Variants in MYO16 observed in about 807,000 individuals in gnomAD.
The protein encoded by MYO16 is unconventional myosin-XVI.
A neutral mutation model predicts 205.3 loss-of-function variants in MYO16; 94 were observed. That is an observed-to-expected ratio of 0.46 (90% CI 0.39 to 0.54). The LOEUF (loss-of-function observed/expected upper bound fraction) is 0.54. MYO16 is among the 20% of genes least tolerant of loss of function. MYO16 has a pLI of 0.00. For synonymous variants in MYO16, 988 were observed against 954.0 expected, an observed-to-expected ratio of 1.04 and a Z score of -0.66; for missense variants, 2,315 against 2,387.5, an observed-to-expected ratio of 0.97 and a Z score of 0.63.
intron 27 of MYO16, among the ~76,000 whole-genome samples, chr13:109,068,876 C>T (rs766441625): frequency 5.3e-5 from 8 of 152,142 alleles, no homozygotes; most frequent in Non-Finnish European, 1.2e-4. Context: ...CAGGTGAGAG[C>T]CACCGTGCCC....
At chr13:108,523,740 G>A in the MYO16 span, among the ~76,000 whole-genome samples, 703 of 152,296 alleles carry the variant, frequency 4.6e-3, 7 homozygotes, top group African/African-American at 0.016. Context: ...CCAAGTGTGC[G>A]TGTCTTATTT....
At chr13:108,793,864 A>T (rs1203198400) in intron 6 of MYO16, among the ~76,000 whole-genome samples, 1 of 152,198 alleles carries the variant, frequency 6.6e-6, no homozygotes, top group Non-Finnish European at 1.5e-5. Flanking sequence ...TCATTCTACC[A>T]TAGACACACG....
At chr13:109,161,464 A>G (rs1878380213) in intron 32 of MYO16, among the ~76,000 whole-genome samples, 1 of 152,132 alleles carries the variant, frequency 6.6e-6, no homozygotes, top group Admixed American at 6.5e-5. Flanking sequence ...CAATGATCTC[A>G]TCTCGAAAAT....
intron 4 of MYO16, among the ~76,000 whole-genome samples, chr13:108,735,313 C>T (rs1594250188): frequency 6.8e-6 from 1 of 147,620 alleles, no homozygotes; most frequent in African/African-American, 2.5e-5. Flanking sequence ...TTCCTGTGTC[C>T]ATGTGTTCTC....
Position 109,055,845 on chromosome 13 carries a change from G to A in MYO16, c.3335+250G>A, listed in dbSNP as rs79392976. 1,175 of 346,646 alleles carry A rather than the reference G, an allele frequency of 3.4e-3. 14 individuals carry two copies. Among genetic ancestry groups the A allele is most frequent in the African/African-American group, 0.022 (1,085 of 48,406 alleles). The allele number at this position is 346,646 out of a possible 1,614,324, so 21.5% of individuals were successfully genotyped here. A position where few individuals can be genotyped will look rare whatever the true frequency, so the allele number is the denominator to read the frequency against. ...ACCATTCTCATGTTCCTTTCAAAGT[G>A]TGGCTTTCCTTGGATTAAAGTTTTG... On this transcript the variant is annotated intron_variant, in intron 27 of 34. Transcript: ENST00000457511. The surrounding 1 kb of genome is among the most constrained non-coding windows in gnomAD (Gnocchi z 5.0).
rs553209268 is a variant in MYO16, at chr13:108,872,929, G to A, written c.1425+6687G>A. 5.3e-5 allele frequency among the ~76,000 whole-genome samples: 8 copies of A among 152,204 alleles called. No homozygotes were observed. In the East Asian group the frequency reaches 1.5e-3, roughly 29 times the overall value. ...CATTATGTAGAATCAAATAGTTTGTGCTCTCCTTGCCTACAGGTAACAACC... is the reference window on the plus strand; with the variant it reads ...CATTATGTAGAATCAAATAGTTTGTACTCTCCTTGCCTACAGGTAACAACC... On this transcript the variant is annotated intron_variant, in intron 12 of 34. Coordinates refer to ENST00000457511, the MANE Select transcript of MYO16 (RefSeq NM_001198950.3).
chr13:108,883,591 T>C (rs2139168113), intron 13 of MYO16, among the ~76,000 whole-genome samples: 1 of 152,290 alleles, frequency 6.6e-6, no homozygotes, highest in South Asian at 2.1e-4. Context: ...AGCCTGTTTC[T>C]TGTTATTTAC....
chr13:108,718,701 G>A lies in MYO16; in HGVS notation c.363+5970G>A, dbSNP rs192752702. On this transcript the variant is annotated intron_variant, in intron 3 of 34. Transcript: ENST00000457511. The stretch of plus-strand genomic sequence containing the variant: ...CAAGAGACTCTTCACATAACCCCAG[G>A]GGTGCAATTCAAGATTCAAAATCCT... 2.4e-3 allele frequency among the ~76,000 whole-genome samples: 366 copies of A among 152,154 alleles called. 8 individuals are homozygous for A. Among genetic ancestry groups the A allele is most frequent in the Admixed American group, 0.021 (325 of 15,296 alleles).
chr13:108,904,024 G>T (rs926376837), intron 15 of MYO16, among the ~76,000 whole-genome samples: 1 of 152,118 alleles, frequency 6.6e-6, no homozygotes, highest in Non-Finnish European at 1.5e-5. Context: ...TTTGAAGGTT[G>T]ATAGGTGCTG....
At chr13:108,693,106 C>T (rs539756412) in intron 2 of MYO16, among the ~76,000 whole-genome samples, 1 of 152,122 alleles carries the variant, frequency 6.6e-6, no homozygotes, top group South Asian at 2.1e-4. Flanking sequence ...AATTATTTAA[C>T]ACTAGATTTT....
At chr13:108,608,366 G>A (rs369570521) in intron 1 of MYO16, among the ~76,000 whole-genome samples, 8 of 152,054 alleles carry the variant, frequency 5.3e-5, no homozygotes, top group Non-Finnish European at 1.0e-4. Flanking sequence ...CATGCTGCAC[G>A]CTCTGCCTAG....
intron 2 of MYO16, among the ~76,000 whole-genome samples, chr13:108,673,291 G>C (rs890204579): frequency 1.6e-4 from 25 of 151,770 alleles, no homozygotes; most frequent in Admixed American, 1.1e-3. Context: ...ATGTCCAAAG[G>C]CCAGGAGAAG....
Position 109,022,404 on chromosome 13 carries a change from TG to T in MYO16, c.2796+2494del, listed in dbSNP as rs1315219272. On this transcript the variant is annotated intron_variant, in intron 23 of 34. Transcript: ENST00000457511. Reference sequence around the variant, plus strand: ...ATACAAATATACATATATGTATATATGTATATATTGTATATACAAATATAAA... The same window carrying T: ...ATACAAATATACATATATGTATATATTATATATTGTATATACAAATATAAA... Among the ~76,000 whole-genome samples the T allele has an allele frequency of 1.0e-3, 9 of 8,766 alleles. 1 individual carries two copies. The highest frequency in any genetic ancestry group is 1.7e-3 in the Admixed American group (1 of 578). 5.8% of individuals were successfully genotyped at this position (8,766 alleles called of 152,430 possible).
the MYO16 span, among the ~76,000 whole-genome samples, chr13:108,553,807 C>G: frequency 2.6e-5 from 4 of 152,170 alleles, no homozygotes; most frequent in South Asian, 4.1e-4. Context: ...CTTAGCACAG[C>G]CTTCTCAGCT....
At position 109,141,868 on chromosome 13, in the gene MYO16, C is replaced by A. The variant is rs1028998312; in HGVS notation, c.5164+492C>A. ...GTTGACCTAGCCAGTTACTACCCTG[C>A]GCTTAATGCCACTCGGCTGTGGGCT... On this transcript the variant is annotated intron_variant, in intron 32 of 34. Transcript: ENST00000457511. The surrounding 1 kb of genome is among the most constrained non-coding windows in gnomAD (Gnocchi z 4.1). Among the ~76,000 whole-genome samples, 3 of 152,222 alleles carry A rather than the reference C, an allele frequency of 2.0e-5. No individual in the cohort carries two copies. The highest frequency in any genetic ancestry group is 4.8e-5 in the African/African-American group (2 of 41,532).
rs1206346949 is a variant in MYO16, at chr13:109,124,971, G to A, written c.3536-141G>A. 20 of 934,020 alleles carry A rather than the reference G, an allele frequency of 2.1e-5. No individual in the cohort carries two copies. The East Asian group carries it at 5.0e-4, about 23-fold the overall frequency. 57.9% of individuals were successfully genotyped at this position (934,020 alleles called of 1,614,324 possible). A position where few individuals can be genotyped will look rare whatever the true frequency, so the allele number is the denominator to read the frequency against. On this transcript the variant is annotated intron_variant, in intron 29 of 34. Coordinates refer to ENST00000457511, the MANE Select transcript of MYO16 (RefSeq NM_001198950.3). Reference sequence around the variant, plus strand: ...CTTTGCCTTTAGTGTTATCACTGCTGATTTAGATAAAGTCTTATTCTGGGT... The same window carrying A: ...CTTTGCCTTTAGTGTTATCACTGCTAATTTAGATAAAGTCTTATTCTGGGT...
chr13:108,584,604 C>T, the MYO16 span, among the ~76,000 whole-genome samples: 2 of 152,048 alleles, frequency 1.3e-5, no homozygotes, highest in Admixed American at 6.6e-5. Context: ...GCAGAGTAAC[C>T]AGCCTCTGTT....
chr13:109,121,152 C>A (rs1875971818), intron 29 of MYO16, among the ~76,000 whole-genome samples: 1 of 152,160 alleles, frequency 6.6e-6, no homozygotes, highest in South Asian at 2.1e-4. Context: ...ACATCCAGCT[C>A]AAATAATGAT....
intron 1 of MYO16, among the ~76,000 whole-genome samples, chr13:108,651,682 TA>T (rs1438190893): frequency 6.6e-6 from 1 of 152,238 alleles, no homozygotes. Context: ...GAGATAGCTG[TA>T]AACTAGTGAA....
Sources: gnomAD v4.1 joint callset for allele counts (sites outside exome capture counted in the v4.1 genomes callset) on GRCh38, gnomAD v4.1.1 for gene constraint, Gnocchi (gnomAD v3.1) non-coding constraint, MANE v1.5 for transcripts, NCBI Gene and HGNC (gene_info 2026-07-23, HGNC 2026-07-21) for gene names.